The following TRHDE variants were observed in gnomAD, a reference collection of about 807,000 sequenced individuals.
TRHDE encodes the protein thyrotropin releasing hormone degrading enzyme, also known as thyrotropin-releasing hormone-degrading ectoenzyme.
A neutral mutation model predicts 125.7 loss-of-function variants in TRHDE; 72 were observed. That is an observed-to-expected ratio of 0.57 (90% CI 0.47 to 0.70). The LOEUF (loss-of-function observed/expected upper bound fraction) is 0.70, where lower values mean the gene tolerates loss of function less well. Ranked by LOEUF, TRHDE falls within the 30% of genes least tolerant of loss-of-function variation. The pLI is 0.00. For synonymous variants in TRHDE, 509 were observed against 509.1 expected (o/e 1.00, Z 0.00); for missense variants, 1,110 against 1,327.1 (o/e 0.84, Z 2.54).
At chr12:72,098,073 A>G (rs777764003) in intron 1 of TRHDE, among the ~76,000 whole-genome samples, 72 of 152,044 alleles carry the variant, frequency 4.7e-4, no homozygotes, top group Non-Finnish European at 9.1e-4. Flanking sequence ...TATAGAGATG[A>G]AGTCTCACTA....
At chr12:72,580,726 C>T (rs1452999683) in intron 12 of TRHDE, among the ~76,000 whole-genome samples, 3 of 152,230 alleles carry the variant, frequency 2.0e-5, no homozygotes, top group African/African-American at 7.2e-5. Flanking sequence ...CAGGCGTGAG[C>T]CACAGTGCCT....
At chr12:72,113,352 C>T (rs1237881915) in intron 2 of TRHDE, among the ~76,000 whole-genome samples, 1 of 151,338 alleles carries the variant, frequency 6.6e-6, no homozygotes, top group African/African-American at 2.4e-5. Flanking sequence ...TGGCTGGGTG[C>T]AGTGGCTCAC....
chr12:72,497,057 T>C (rs1282088199), intron 5 of TRHDE, among the ~76,000 whole-genome samples: 3 of 152,122 alleles, frequency 2.0e-5, no homozygotes, highest in Admixed American at 2.0e-4. Flanking sequence ...GTTCCCCCTC[T>C]CTCTTAATCC....
chr12:72,267,515 T>G (rs1879094569), upstream of TRHDE, among the ~76,000 whole-genome samples: 1 of 152,014 alleles, frequency 6.6e-6, no homozygotes, highest in African/African-American at 2.4e-5. Flanking sequence ...TTTCTGGGAC[T>G]AAAAACACAT....
chr12:72,242,552 C>T (rs1878502925), intron 2 of TRHDE, among the ~76,000 whole-genome samples: 1 of 152,106 alleles, frequency 6.6e-6, no homozygotes, highest in Non-Finnish European at 1.5e-5. Context: ...GCTGCCATGA[C>T]TGTTGCTGCC....
chr12:72,522,117 A>G (rs956026125), intron 6 of TRHDE, among the ~76,000 whole-genome samples: 1 of 152,168 alleles, frequency 6.6e-6, no homozygotes, highest in Admixed American at 6.5e-5. Context: ...AGATGAGGAC[A>G]CTGAGGCAGT....
At chr12:72,627,971 C>T (rs772957168) in intron 15 of TRHDE, among the ~76,000 whole-genome samples, 1 of 151,696 alleles carries the variant, frequency 6.6e-6, no homozygotes, top group Non-Finnish European at 1.5e-5. Context: ...GGACTTTTAA[C>T]TTTTCTAAAA....
rs1180284767 is a variant in TRHDE, at chr12:72,152,081, A to G, written n.279+46329A>G. On this transcript the variant is annotated intron_variant and non_coding_transcript_variant, in intron 2 of 4. Transcript: ENST00000548156. ...TCCTCTTTTATTTCATTGAGCAGTG[A>G]TTTGTAGTTCTCCTTGAAAAGGTCC... is the stretch of plus-strand genomic sequence containing the variant. Among the ~76,000 whole-genome samples the G allele has an allele frequency of 4.6e-5, 7 of 151,576 alleles. No homozygotes were observed. The East Asian group carries it at 5.8e-4, about 13-fold the overall frequency.
chr12:72,639,428 A>G (rs987028392), intron 15 of TRHDE, among the ~76,000 whole-genome samples: 1 of 152,128 alleles, frequency 6.6e-6, no homozygotes, highest in African/African-American at 2.4e-5. Context: ...CAAAGTTTTA[A>G]ACTTCTTTGC....
intron 6 of TRHDE, among the ~76,000 whole-genome samples, chr12:72,532,140 C>CTACA (rs1332138390): frequency 1.3e-5 from 2 of 152,028 alleles, no homozygotes; most frequent in African/African-American, 4.8e-5. Context: ...AAACTCTGTA[C>CTACA]AATTTTGAAA....
Position 72,278,581 on chromosome 12 carries a change from C to G in TRHDE, c.914+5024C>G, listed in dbSNP as rs58844948. On this transcript the variant is annotated intron_variant, in intron 1 of 18. Transcript: ENST00000261180. ...TTTTCACCAACAGTGTACAAGGGTT[C>G]TTTTTGCTGCACATCCTTGCTAACA... is the stretch of plus-strand genomic sequence containing the variant. Among the ~76,000 whole-genome samples, 6 of 152,278 alleles carry G rather than the reference C, an allele frequency of 3.9e-5. No individual in the cohort carries two copies. In the East Asian group the frequency reaches 7.7e-4, roughly 20 times the overall value.
chr12:72,513,119 G>T (rs754483005), intron 6 of TRHDE, among the ~76,000 whole-genome samples: 6 of 152,052 alleles, frequency 3.9e-5, no homozygotes, highest in Non-Finnish European at 7.4e-5. Context: ...AGAAGCATTA[G>T]TACACCGTTG....
At chr12:72,087,604 G>A (rs1874698505) in intron 1 of TRHDE, among the ~76,000 whole-genome samples, 1 of 152,062 alleles carries the variant, frequency 6.6e-6, no homozygotes, top group South Asian at 2.1e-4. Context: ...ATTTGTGTCT[G>A]ATGGCTTCTA....
rs1465112027 is a variant in TRHDE, at chr12:72,097,485, G to C, written n.175-8163G>C. 3.4e-5 allele frequency among the ~76,000 whole-genome samples: 3 copies of C among 88,834 alleles called. No individual in the cohort carries two copies. The East Asian group carries it at 1.0e-3, about 31-fold the overall frequency. 58.3% of individuals were successfully genotyped at this position (88,834 alleles called of 152,430 possible). On this transcript the variant is annotated intron_variant and non_coding_transcript_variant, in intron 1 of 4. Transcript: ENST00000548156. ...TTTTTTTTAGACAGAGTTTTGCTCTGTTTTCCAGGCTTGGAGTTCTGTGCT... is the reference window on the plus strand; with the variant it reads ...TTTTTTTTAGACAGAGTTTTGCTCTCTTTTCCAGGCTTGGAGTTCTGTGCT...
intron 2 of TRHDE, among the ~76,000 whole-genome samples, chr12:72,212,487 A>G (rs1877803474): frequency 6.6e-6 from 1 of 152,184 alleles, no homozygotes; most frequent in Non-Finnish European, 1.5e-5. Context: ...ACTTGTATCC[A>G]GATTACATAA....
chr12:72,518,189 C>G (rs1414122842), intron 6 of TRHDE, among the ~76,000 whole-genome samples: 1 of 150,202 alleles, frequency 6.7e-6, no homozygotes, highest in Non-Finnish European at 1.5e-5. Context: ...AGTTCAATTC[C>G]TGGGTATCCT....
chr12:72,340,634 C>T (rs766120646), intron 2 of TRHDE, among the ~76,000 whole-genome samples: 1 of 152,014 alleles, frequency 6.6e-6, no homozygotes, highest in South Asian at 2.1e-4. Flanking sequence ...GGCTTACAGT[C>T]TCAAAGCCAC....
intron 3 of TRHDE, among the ~76,000 whole-genome samples, chr12:72,456,071 A>G (rs1014958135): frequency 6.6e-6 from 1 of 150,938 alleles, no homozygotes; most frequent in Non-Finnish European, 1.5e-5. Context: ...ATACACTCAT[A>G]TATACTCAGT....
chr12:72,240,429 T>C (rs1462760744), intron 2 of TRHDE, among the ~76,000 whole-genome samples: 1 of 151,562 alleles, frequency 6.6e-6, no homozygotes, highest in Non-Finnish European at 1.5e-5. Flanking sequence ...TCACCATTTT[T>C]ACTTACATAA....
Sources: gnomAD v4.1 joint callset for allele counts (sites outside exome capture counted in the v4.1 genomes callset) on GRCh38, gnomAD v4.1.1 for gene constraint, MANE v1.5 for transcripts, NCBI Gene and HGNC (gene_info 2026-07-23, HGNC 2026-07-21) for gene names.